Variants in MECOM observed in about 807,000 individuals in gnomAD.
MECOM encodes the protein histone-lysine N-methyltransferase MECOM.
MECOM carries 13 observed loss-of-function variants against 116.3 expected under a neutral mutation model. That is an observed-to-expected ratio of 0.11 (90% CI 0.07 to 0.18). The LOEUF (loss-of-function observed/expected upper bound fraction) is 0.18, where lower values mean the gene tolerates loss of function less well. MECOM is among the 10% of genes least tolerant of loss of function. The probability of loss-of-function intolerance (pLI) is 1.00; values close to 1 mark genes in which losing one functional copy is unlikely to be tolerated. For synonymous variants in MECOM, 528 were observed against 535.2 expected, an observed-to-expected ratio of 0.99 and a Z score of 0.19; for missense variants, 1,299 against 1,509.0, an observed-to-expected ratio of 0.86 and a Z score of 2.31.
At chr3:169,285,720 T>C (rs1713148193) in intron 2 of MECOM, among the ~76,000 whole-genome samples, 1 of 152,224 alleles carries the variant, frequency 6.6e-6, no homozygotes, top group South Asian at 2.1e-4. Flanking sequence ...TTAGATAGGC[T>C]GCACAATCCG....
chr3:169,561,718 C>T (rs985465069), intron 1 of MECOM, among the ~76,000 whole-genome samples: 2 of 152,130 alleles, frequency 1.3e-5, no homozygotes, highest in African/African-American at 4.8e-5. Context: ...CACACAGGCA[C>T]GCACACTTAA....
At position 169,190,167 on chromosome 3, in the gene MECOM, A is replaced by T. The variant is rs555386599; in HGVS notation, c.376-46335T>A. Reference sequence around the variant, plus strand: ...CTTGCAACACAAAAATAGTATTCACATATCTAGGCAAGGAAAGAAAGGTAC... The same window carrying T: ...CTTGCAACACAAAAATAGTATTCACTTATCTAGGCAAGGAAAGAAAGGTAC... On this transcript the variant is annotated intron_variant, in intron 2 of 16. Transcript: ENST00000651503. Among the ~76,000 whole-genome samples, 4 of 152,198 alleles carry T rather than the reference A, an allele frequency of 2.6e-5. No individual in the cohort carries two copies. The East Asian group carries it at 7.7e-4, about 29-fold the overall frequency.
intron 1 of MECOM, among the ~76,000 whole-genome samples, chr3:169,536,501 T>C (rs1759376761): frequency 6.6e-6 from 1 of 151,612 alleles, no homozygotes; most frequent in African/African-American, 2.4e-5. Context: ...AATCCTATAA[T>C]CTGGAACAAA....
intron 1 of MECOM, among the ~76,000 whole-genome samples, chr3:169,481,446 G>T (rs569120258): frequency 1.3e-5 from 2 of 152,010 alleles, no homozygotes; most frequent in Non-Finnish European, 1.5e-5. Flanking sequence ...CCATCTACTT[G>T]GGAGCCCGAG....
chr3:169,411,557 A>G (rs1737560530), intron 1 of MECOM, among the ~76,000 whole-genome samples: 1 of 152,214 alleles, frequency 6.6e-6, no homozygotes, highest in African/African-American at 2.4e-5. Flanking sequence ...CCGCACTCTG[A>G]GAGGCTCCAC....
intron 1 of MECOM, among the ~76,000 whole-genome samples, chr3:169,465,075 C>T (rs1748065263): frequency 6.6e-6 from 1 of 152,020 alleles, no homozygotes; most frequent in Non-Finnish European, 1.5e-5. Context: ...AAACAAAATT[C>T]TTATTACTAA....
At chr3:169,534,167 C>G (rs1211219019) in intron 1 of MECOM, among the ~76,000 whole-genome samples, 2 of 152,084 alleles carry the variant, frequency 1.3e-5, no homozygotes, top group East Asian at 3.9e-4. Context: ...CTCTTTTAAC[C>G]AAGGTTTCTT....
rs115021817 is a variant in MECOM at position 169,423,641 on chromosome 3, G to T, written c.38-42117C>A. 9.5e-3 allele frequency among the ~76,000 whole-genome samples: 1,441 copies of T among 152,194 alleles called. 16 individuals carry two copies. The highest frequency in any genetic ancestry group is 0.016 in the Non-Finnish European group (1,066 of 67,984). ...CTTTGAAATTAGTGAGAATTTTTTA[G>T]CATTTTCCTAATAAGATGCCTTATT... On this transcript the variant is annotated intron_variant, in intron 1 of 16. Coordinates refer to ENST00000651503, the MANE Select transcript of MECOM (RefSeq NM_004991.4).
rs1491467574 is a variant in MECOM, at chr3:169,378,452, G to GCGAGCGAGAAAGAAA, written c.375+2734_375+2735insTTTCTTTCTCGCTCG. Among the ~76,000 whole-genome samples, 3 of 64,552 alleles carry GCGAGCGAGAAAGAAA rather than the reference G, an allele frequency of 4.6e-5. No individual in the cohort carries two copies. In the Admixed American group the frequency reaches 5.5e-4, roughly 12 times the overall value. 42.3% of individuals were successfully genotyped at this position (64,552 alleles called of 152,430 possible). On this transcript the variant is annotated intron_variant, in intron 2 of 16. Coordinates refer to ENST00000651503, the MANE Select transcript of MECOM (RefSeq NM_004991.4). ...AAGAAAGAAAGAAAGAAAGAAAGAA[G>GCGAGCGAGAAAGAAA]GAAAGCAAGCAAGCAAGCAAGCAAG...
At chr3:169,511,768 T>TAA (rs566797659) in intron 1 of MECOM, among the ~76,000 whole-genome samples, 1 of 143,988 alleles carries the variant, frequency 6.9e-6, no homozygotes, top group African/African-American at 2.5e-5. Flanking sequence ...GACTCTGTCT[T>TAA]AAAAAAAAAA....
At chr3:169,246,552 G>C (rs1458852344) in intron 2 of MECOM, among the ~76,000 whole-genome samples, 2 of 135,468 alleles carry the variant, frequency 1.5e-5, no homozygotes, top group Non-Finnish European at 3.1e-5. Flanking sequence ...TTTTTGAGAC[G>C]GAGTCTCACT....
In MECOM at chr3:169,127,932, G is replaced by C; in HGVS notation, c.742C>G (p.Gln248Glu). 2 of 1,614,074 alleles carry C rather than the reference G, an allele frequency of 1.2e-6. No homozygotes were observed. The highest frequency in any genetic ancestry group is 1.7e-6 in the Non-Finnish European group (2 of 1,179,952). The change falls in exon 5 of 17, where the codon CAA becomes GAA. Residue 248 changes from glutamine to glutamate, a missense_variant. Gln to Glu is a conservative substitution (Grantham distance 29, BLOSUM62 2). Coordinates refer to ENST00000651503, the MANE Select transcript of MECOM (RefSeq NM_004991.4). ...AGATCATTCTCGCTTTCGAGTTTTTGCTGAAAGTCCTCTTCAACCATTGAA... is the reference window on the plus strand; with the variant it reads ...AGATCATTCTCGCTTTCGAGTTTTTCCTGAAAGTCCTCTTCAACCATTGAA... ...AFSMVEEDFQ[Q>E]KLESENDLQE... is the part of the protein sequence containing the mutation.
At chr3:169,338,946 C>G (rs762489195) in intron 2 of MECOM, among the ~76,000 whole-genome samples, 2 of 151,982 alleles carry the variant, frequency 1.3e-5, no homozygotes, top group African/African-American at 2.4e-5. Context: ...AAATTTGGAA[C>G]CACATAGAAA....
intron 2 of MECOM, among the ~76,000 whole-genome samples, chr3:169,328,724 T>C (rs1722255656): frequency 6.6e-6 from 1 of 152,146 alleles, no homozygotes; most frequent in Admixed American, 6.5e-5. Context: ...GTCCACCTAC[T>C]AAATGAAAAT....
intron 2 of MECOM, among the ~76,000 whole-genome samples, chr3:169,164,548 G>A (rs1743282568): frequency 6.6e-6 from 1 of 152,094 alleles, no homozygotes; most frequent in Non-Finnish European, 1.5e-5. Context: ...GTAAAATTTT[G>A]ATCTACTAAG....
Position 169,251,810 on chromosome 3 carries a change from T to C in MECOM, c.376-107978A>G, listed in dbSNP as rs147440032. ...TTCATTTATTAAAAGCCCCGTCGAC[T>C]GTGGAAGTGTGAATGTGTTTCAGGG... On this transcript the variant is annotated intron_variant, in intron 2 of 16. Transcript: ENST00000651503. Among the ~76,000 whole-genome samples, 955 of 152,274 alleles carry C rather than the reference T, an allele frequency of 6.3e-3. 28 individuals carry two copies. The highest frequency in any genetic ancestry group is 3.3e-3 in the Non-Finnish European group (227 of 68,020).
chr3:169,277,082 C>G (rs1173923721), intron 2 of MECOM, among the ~76,000 whole-genome samples: 1 of 151,954 alleles, frequency 6.6e-6, no homozygotes, highest in African/African-American at 2.4e-5. Flanking sequence ...CTCCATGAGG[C>G]TACTTCCCCT....
rs145336723 is a variant in MECOM at position 169,100,022 on chromosome 3, C to A, written c.2849+863G>T. On this transcript the variant is annotated intron_variant, in intron 12 of 16. Transcript: ENST00000651503. ...ATATACTCTATTTTATCTGTCCTACCTCTAGTTTCATATTTTCTTCTCCCC... is the reference window on the plus strand; with the variant it reads ...ATATACTCTATTTTATCTGTCCTACATCTAGTTTCATATTTTCTTCTCCCC... Among the ~76,000 whole-genome samples the A allele has an allele frequency of 3.5e-3, 534 of 151,466 alleles. 3 individuals carry two copies. Among genetic ancestry groups the A allele is most frequent in the Middle Eastern group, 0.01 (3 of 288 alleles).
intron 1 of MECOM, among the ~76,000 whole-genome samples, chr3:169,601,406 A>T (rs1767815799): frequency 6.6e-6 from 1 of 152,236 alleles, no homozygotes; most frequent in Non-Finnish European, 1.5e-5. Flanking sequence ...AAGGCAGCAG[A>T]GATGTCAAAG....
Sources: allele counts gnomAD v4.1 joint callset (sites outside exome capture counted in the v4.1 genomes callset), GRCh38; gene constraint gnomAD v4.1.1; transcripts MANE v1.5; gene names NCBI Gene and HGNC (gene_info 2026-07-23, HGNC 2026-07-21).